Variants in PDE1A observed in about 807,000 individuals in gnomAD.
PDE1A encodes the protein phosphodiesterase 1A.
A neutral mutation model predicts 61.7 loss-of-function variants in PDE1A; 35 were observed. The ratio of observed to expected loss-of-function variants is 0.57; its 90% CI spans 0.43 to 0.75. The LOEUF (loss-of-function observed/expected upper bound fraction) is 0.75, where lower values mean the gene tolerates loss of function less well. Ranked by LOEUF, PDE1A falls within the 30% of genes least tolerant of loss-of-function variation. The pLI is 0.00. For synonymous variants in PDE1A, 232 were observed against 213.2 expected (o/e 1.09, Z -0.77); for missense variants, 597 against 630.6 (o/e 0.95, Z 0.57).
At chr2:182,330,134 A>T (rs891930876) in intron 1 of PDE1A, among the ~76,000 whole-genome samples, 8 of 152,086 alleles carry the variant, frequency 5.3e-5, no homozygotes, top group African/African-American at 1.9e-4. Flanking sequence ...ACCTGAGGTC[A>T]GGAGTTCAAG....
intron 2 of PDE1A, among the ~76,000 whole-genome samples, chr2:182,516,880 G>A (rs1460891851): frequency 1.3e-5 from 2 of 149,792 alleles, no homozygotes; most frequent in Non-Finnish European, 2.9e-5. Flanking sequence ...ATGAATCTTT[G>A]TGATTACATT....
chr2:182,265,914 C>G (rs1290812876), intron 1 of PDE1A, among the ~76,000 whole-genome samples: 1 of 152,028 alleles, frequency 6.6e-6, no homozygotes, highest in East Asian at 1.9e-4. Context: ...TTAGGCACTC[C>G]CTTAGAGATA....
the PDE1A span, among the ~76,000 whole-genome samples, chr2:182,557,802 C>CTT: frequency 1.3e-5 from 2 of 152,040 alleles, no homozygotes; most frequent in African/African-American, 4.8e-5. Flanking sequence ...CAGAAAACAA[C>CTT]TTTTAGTAGC....
At chr2:182,449,457 T>C (rs1345518371) in intron 2 of PDE1A, among the ~76,000 whole-genome samples, 1 of 151,976 alleles carries the variant, frequency 6.6e-6, no homozygotes, top group East Asian at 1.9e-4. Context: ...GCAGAGGCTA[T>C]AAGAATAACC....
intron 13 of PDE1A, among the ~76,000 whole-genome samples, chr2:182,158,153 C>T (rs1007930852): frequency 1.3e-5 from 2 of 152,110 alleles, no homozygotes; most frequent in African/African-American, 2.4e-5. Context: ...AAATTGCCTC[C>T]CTTGGATGTA....
chr2:182,662,352 CA>C, the PDE1A span, among the ~76,000 whole-genome samples: 3 of 115,526 alleles, frequency 2.6e-5, no homozygotes, highest in Non-Finnish European at 5.7e-5. Flanking sequence ...AAAAAAAAAA[CA>C]AAAAAAAACT....
At chr2:182,188,947 C>A in intron 11 of PDE1A, 32 bp downstream of exon 11, 1 of 1,454,142 alleles carries the variant, frequency 6.9e-7, no homozygotes, top group Non-Finnish European at 9.7e-7. Context: ...AGCACACACT[C>A]ACTTTCCACC....
chr2:182,564,358 T>G, the PDE1A span, among the ~76,000 whole-genome samples: 2 of 152,206 alleles, frequency 1.3e-5, no homozygotes, highest in Admixed American at 6.5e-5. Context: ...AAAATTCTTT[T>G]CTTTAAGAAT....
chr2:182,363,396 T>C (rs1050566097), intron 1 of PDE1A, among the ~76,000 whole-genome samples: 4 of 151,910 alleles, frequency 2.6e-5, no homozygotes, highest in African/African-American at 9.7e-5. Context: ...TATGATATAT[T>C]AGAAGATTCC....
At chr2:182,237,043 C>T (rs1344370620) in intron 3 of PDE1A, among the ~76,000 whole-genome samples, 1 of 152,128 alleles carries the variant, frequency 6.6e-6, no homozygotes, top group Non-Finnish European at 1.5e-5. Context: ...AGTTGTCTCA[C>T]ACTTTAGTAA....
At chr2:182,436,898 A>G (rs1310068362) in intron 2 of PDE1A, among the ~76,000 whole-genome samples, 1 of 151,924 alleles carries the variant, frequency 6.6e-6, no homozygotes, top group East Asian at 1.9e-4. Flanking sequence ...CTCCATGATC[A>G]TATTCTTAGT....
chr2:182,383,213 C>G lies in PDE1A; in HGVS notation c.53+43365G>C, dbSNP rs10176807. 3.9e-3 allele frequency among the ~76,000 whole-genome samples: 588 copies of G among 152,290 alleles called. 2 individuals carry two copies. Among genetic ancestry groups the G allele is most frequent in the African/African-American group, 0.013 (532 of 41,564 alleles). ...TTCTATCCAATTTCCACCCATACTT[C>G]AAGACATATTTAAAGTCCTTCCTGA... On this transcript the variant is annotated intron_variant, in intron 1 of 13. Transcript: ENST00000351439.
chr2:182,322,140 C>T (rs1311711293), intron 1 of PDE1A, among the ~76,000 whole-genome samples: 1 of 152,100 alleles, frequency 6.6e-6, no homozygotes, highest in Non-Finnish European at 1.5e-5. Flanking sequence ...CCTCTGTCTT[C>T]TCTTTTATAA....
chr2:182,195,233 G>A lies in PDE1A; in HGVS notation c.1126-6173C>T, dbSNP rs185201582. ...GTGTAGTATACTGATACTTTGCCTCGGAAAGTATAAAGCTTAAAATAGACT... is the reference window on the plus strand; with the variant it reads ...GTGTAGTATACTGATACTTTGCCTCAGAAAGTATAAAGCTTAAAATAGACT... On this transcript the variant is annotated intron_variant, in intron 10 of 13. Coordinates refer to ENST00000351439, the Ensembl canonical transcript of PDE1A. 4.6e-5 allele frequency among the ~76,000 whole-genome samples: 7 copies of A among 152,062 alleles called. No individual in the cohort carries two copies. The East Asian group carries it at 7.7e-4, about 17-fold the overall frequency.
Position 182,185,884 on chromosome 2 carries a change from A to C in PDE1A, c.1516+8T>G, listed in dbSNP as rs1430065779. On this transcript the variant is annotated splice_region_variant and intron_variant, in intron 13 of 13. Coordinates refer to ENST00000351439, the Ensembl canonical transcript of PDE1A. ...GAGATGGCAGTAAGGCCTCATAAAC[A>C]ACACTACCTTGTGCAGCTAACTCTT... 1 of 1,613,828 alleles carries C rather than the reference A, an allele frequency of 6.2e-7. No individual in the cohort carries two copies. Among genetic ancestry groups the C allele is most frequent in the East Asian group, 2.2e-5 (1 of 44,870 alleles).
the PDE1A span, among the ~76,000 whole-genome samples, chr2:182,608,906 T>C: frequency 6.6e-6 from 1 of 152,212 alleles, no homozygotes. Context: ...GCTAAGGGAT[T>C]GTAAATACCC....
chr2:182,465,913 C>G (rs1199673267), intron 2 of PDE1A, among the ~76,000 whole-genome samples: 1 of 151,514 alleles, frequency 6.6e-6, no homozygotes, highest in Non-Finnish European at 1.5e-5. Context: ...TAGAGTGATG[C>G]CGGAAAAGAG....
the PDE1A span, among the ~76,000 whole-genome samples, chr2:182,564,194 G>A: frequency 4.6e-5 from 7 of 152,142 alleles, no homozygotes; most frequent in African/African-American, 1.4e-4. Flanking sequence ...GGCTGGTACT[G>A]GTTGTTCCTT....
chr2:182,245,050 G>A lies in PDE1A; in HGVS notation c.168-4758C>T, dbSNP rs1184672100. 2.6e-5 allele frequency among the ~76,000 whole-genome samples: 4 copies of A among 152,144 alleles called. No individual in the cohort carries two copies. The East Asian group carries it at 7.7e-4, about 29-fold the overall frequency. ...GTGTGAAATGGGGGAAGCCTCCAAA[G>A]CCAGCCAACTTAACTTGACCTTTTT... On this transcript the variant is annotated intron_variant, in intron 2 of 13. Transcript: ENST00000351439.
Sources: gnomAD v4.1 joint callset for allele counts (sites outside exome capture counted in the v4.1 genomes callset) on GRCh38, gnomAD v4.1.1 for gene constraint, MANE v1.5 for transcripts, NCBI Gene and HGNC (gene_info 2026-07-23, HGNC 2026-07-21) for gene names.